AGMO: variants seen among roughly 807,000 people sequenced by gnomAD.
AGMO encodes the protein alkylglycerol monooxygenase.
Under a neutral mutation model 60.2 loss-of-function variants are expected in AGMO, and 75 were observed. That is an observed-to-expected ratio of 1.25 (90% CI 1.03 to 1.51). The LOEUF (loss-of-function observed/expected upper bound fraction) is 1.51, where lower values mean the gene tolerates loss of function less well. AGMO is among the 40% of genes most tolerant of loss of function. The pLI, the probability that AGMO is intolerant of heterozygous loss-of-function variation, is 0.00. For missense variants in AGMO, 763 were observed against 525.5 expected, an observed-to-expected ratio of 1.45 and a Z score of -4.42; for synonymous variants, 261 against 177.1, an observed-to-expected ratio of 1.47 and a Z score of -3.76.
chr7:15,524,900 CTTTG>C (rs1472550802), intron 3 of AGMO, among the ~76,000 whole-genome samples: 1 of 150,782 alleles, frequency 6.6e-6, no homozygotes, highest in African/African-American at 2.4e-5. Context: ...CTTTGTATGT[CTTTG>C]TTTATTTCAC....
At chr7:15,150,099 TG>T in the AGMO span, among the ~76,000 whole-genome samples, 1 of 152,086 alleles carries the variant, frequency 6.6e-6, no homozygotes, top group Admixed American at 6.6e-5. Flanking sequence ...GCCCTCAGCT[TG>T]GACATTATTG....
At chr7:15,148,597 G>C in the AGMO span, among the ~76,000 whole-genome samples, 1 of 151,978 alleles carries the variant, frequency 6.6e-6, no homozygotes, top group East Asian at 1.9e-4. Context: ...TTGGTTTTCT[G>C]TCCTTTTGTT....
chr7:15,199,346 T>C (rs373909011), downstream of AGMO, among the ~76,000 whole-genome samples: 115 of 152,340 alleles, frequency 7.5e-4, no homozygotes, highest in African/African-American at 2.6e-3. Flanking sequence ...TTCAATTTAC[T>C]CAAAGAAAAC....
chr7:15,511,243 T>C (rs146946320), intron 3 of AGMO, among the ~76,000 whole-genome samples: 2 of 152,120 alleles, frequency 1.3e-5, no homozygotes, highest in African/African-American at 4.8e-5. Flanking sequence ...TGCAGGACCA[T>C]GTAGACATGC....
At chr7:15,180,643 A>G in the AGMO span, among the ~76,000 whole-genome samples, 2,153 of 152,232 alleles carry the variant, frequency 0.014, 64 homozygotes, top group African/African-American at 0.049. Context: ...ATTCACAGCA[A>G]TCTAGGCCTT....
chr7:15,277,501 T>C (rs1304391315), intron 12 of AGMO, among the ~76,000 whole-genome samples: 1 of 151,846 alleles, frequency 6.6e-6, no homozygotes, highest in Non-Finnish European at 1.5e-5. Context: ...CTGACACTTC[T>C]TGCTTTTGGA....
At chr7:15,262,162 C>G (rs1021246601) in intron 12 of AGMO, among the ~76,000 whole-genome samples, 1 of 151,868 alleles carries the variant, frequency 6.6e-6, no homozygotes, top group African/African-American at 2.4e-5. Flanking sequence ...GAAATCAAGG[C>G]CATCCAAATC....
intron 12 of AGMO, among the ~76,000 whole-genome samples, chr7:15,235,725 T>G (rs1365813788): frequency 6.6e-6 from 1 of 152,156 alleles, no homozygotes; most frequent in Non-Finnish European, 1.5e-5. Context: ...GCAGTCGAAA[T>G]GCCCAGAAAC....
intron 12 of AGMO, among the ~76,000 whole-genome samples, chr7:15,217,780 G>A (rs1563039756): frequency 6.6e-6 from 1 of 151,854 alleles, no homozygotes; most frequent in East Asian, 1.9e-4. Flanking sequence ...GAAGAATGGT[G>A]GAGAGGAAAT....
intron 3 of AGMO, among the ~76,000 whole-genome samples, chr7:15,475,046 A>G (rs1385567807): frequency 2.6e-5 from 4 of 152,086 alleles, no homozygotes; most frequent in Non-Finnish European, 5.9e-5. Context: ...GAAACAACAG[A>G]TGCTGGAGAG....
At position 15,493,334 on chromosome 7, in the gene AGMO, AACAC is replaced by A. The variant is rs144549105; in HGVS notation, c.409+51434_409+51437del. Among the ~76,000 whole-genome samples the A allele has an allele frequency of 3.4e-4, 24 of 70,378 alleles. 1 individual carries two copies. The highest frequency in any genetic ancestry group is 2.6e-3 in the South Asian group (5 of 1,888). The allele number at this position is 70,378 out of a possible 152,430, so 46.2% of individuals were successfully genotyped here. ...GACACACACGCGCACAAACACACAA[AACAC>A]ACACACACACACACACACACACACT... is the stretch of plus-strand genomic sequence containing the variant. On this transcript the variant is annotated intron_variant, in intron 3 of 12. Transcript: ENST00000342526.
chr7:15,527,838 G>C (rs1784165758), intron 3 of AGMO, among the ~76,000 whole-genome samples: 1 of 152,014 alleles, frequency 6.6e-6, no homozygotes, highest in South Asian at 2.1e-4. Context: ...CTGTGCTCTA[G>C]AAATGGAAAA....
At chr7:15,496,294 T>C (rs531956719) in intron 3 of AGMO, among the ~76,000 whole-genome samples, 2 of 152,274 alleles carry the variant, frequency 1.3e-5, no homozygotes, top group South Asian at 4.1e-4. Flanking sequence ...TGCCACTGAA[T>C]AAATGATTGG....
chr7:15,150,174 G>C, the AGMO span, among the ~76,000 whole-genome samples: 1 of 152,032 alleles, frequency 6.6e-6, no homozygotes, highest in African/African-American at 2.4e-5. Flanking sequence ...AAGCTTTACT[G>C]AAGTTGTTTT....
At chr7:15,345,950 G>C (rs1039580688) in intron 12 of AGMO, among the ~76,000 whole-genome samples, 7 of 151,984 alleles carry the variant, frequency 4.6e-5, no homozygotes, top group Admixed American at 6.6e-5. Context: ...AAACATCAAT[G>C]TTTTAATTCC....
intron 12 of AGMO, among the ~76,000 whole-genome samples, chr7:15,243,729 C>A (rs1000654834): frequency 2.0e-5 from 3 of 151,932 alleles, no homozygotes; most frequent in Non-Finnish European, 4.4e-5. Context: ...ATACCAATTC[C>A]AAAAATGCAC....
intron 2 of AGMO, among the ~76,000 whole-genome samples, chr7:15,554,362 G>A (rs996912766): frequency 7.2e-5 from 11 of 152,046 alleles, no homozygotes; most frequent in Middle Eastern, 3.4e-3. Flanking sequence ...GGTAGCACAG[G>A]GGCTTGGAAT....
intron 12 of AGMO, among the ~76,000 whole-genome samples, chr7:15,308,201 T>A (rs1303325955): frequency 6.6e-6 from 1 of 152,110 alleles, no homozygotes; most frequent in Admixed American, 6.6e-5. Flanking sequence ...TGTATGTTCA[T>A]CCCTTAACAA....
chr7:15,509,649 C>G (rs1001583621), intron 3 of AGMO, among the ~76,000 whole-genome samples: 10 of 151,968 alleles, frequency 6.6e-5, no homozygotes, highest in African/African-American at 2.2e-4. Flanking sequence ...TCTACAGATT[C>G]AAAGCAAATC....
Sources: gnomAD v4.1 joint callset for allele counts (sites outside exome capture counted in the v4.1 genomes callset) on GRCh38, gnomAD v4.1.1 for gene constraint, MANE v1.5 for transcripts, NCBI Gene and HGNC (gene_info 2026-07-23, HGNC 2026-07-21) for gene names.